The following NFKB1 variants were observed in gnomAD, a reference collection of about 807,000 sequenced individuals.
NFKB1 encodes the protein nuclear factor NF-kappa-B p105 subunit.
A neutral mutation model predicts 105.1 loss-of-function variants in NFKB1; 9 were observed. The ratio of observed to expected loss-of-function variants is 0.09; its 90% CI spans 0.05 to 0.15. The LOEUF (loss-of-function observed/expected upper bound fraction) is 0.15. Ranked by LOEUF, NFKB1 falls within the 10% of genes least tolerant of loss-of-function variation. The pLI is 1.00. For missense variants in NFKB1, 830 were observed against 1,203.7 expected, an observed-to-expected ratio of 0.69 and a Z score of 4.59; for synonymous variants, 440 against 442.2, an observed-to-expected ratio of 1.00 and a Z score of 0.06.
intron 1 of NFKB1, among the ~76,000 whole-genome samples, chr4:102,513,406 A>G (rs1739906110): frequency 6.6e-6 from 1 of 152,236 alleles, no homozygotes; most frequent in Non-Finnish European, 1.5e-5. Context: ...CTTGAGTATG[A>G]TATAAATTAC....
chr4:102,580,545 T>G lies in NFKB1; in HGVS notation c.741T>G (p.Asn247Lys). The change falls in exon 9 of 24, where the codon AAT (asparagine) becomes AAG (lysine). Residue 247 changes from asparagine to lysine, a missense_variant. By Grantham distance (94) the Asn-to-Lys change is moderately conservative. Around this residue, in one of 8 missense-constraint regions of NFKB1, gnomAD observed 80 missense variants for 122.6 expected, o/e 0.65. Transcript: ENST00000226574. ...SDAIYDSKAP[N>K]ASNLKIVRMD... The stretch of plus-strand genomic sequence containing the variant: ...TTCCCCTGTGAACAGAAGCCCCCAA[T>G]GCATCCAACTTGAAAATTGTAAGAA... 6.2e-7 allele frequency: 1 copy of G among 1,613,860 alleles called. No individual in the cohort carries two copies. The highest frequency in any genetic ancestry group is 1.3e-5 in the African/African-American group (1 of 75,042).
intron 16 of NFKB1, among the ~76,000 whole-genome samples, chr4:102,604,503 G>A (rs1444138548): frequency 6.6e-6 from 1 of 151,026 alleles, no homozygotes; most frequent in African/African-American, 2.5e-5. Context: ...ACACACTTGT[G>A]TGTATCTGTA....
chr4:102,616,556 G>C lies in NFKB1; in HGVS notation c.2872G>C (p.Asp958His), dbSNP rs1728960154. 1.7e-5 allele frequency: 27 copies of C among 1,614,070 alleles called. No homozygotes were observed. The East Asian group carries it at 6.0e-4, about 36-fold the overall frequency. ...SLLTLNKMPHDYGQEGPLEGK... is the reference protein window; with the variant it reads ...SLLTLNKMPHHYGQEGPLEGK... ...GCTAACTCTCAACAAAATGCCCCAT[G>C]ATTATGGGCAGGAAGGACCTCTAGA... The change falls in exon 24 of 24, where the codon GAT (aspartate) becomes CAT (histidine). Residue 958 changes from aspartate to histidine, a missense_variant. Transcript: ENST00000226574.
intron 11 of NFKB1, among the ~76,000 whole-genome samples, chr4:102,585,882 G>A (rs751396134): frequency 6.6e-6 from 1 of 152,154 alleles, no homozygotes; most frequent in Non-Finnish European, 1.5e-5. Context: ...GGTAAACACA[G>A]CGTTTATGCA....
At chr4:102,588,001 A>G (rs1193544414) in intron 11 of NFKB1, among the ~76,000 whole-genome samples, 1 of 152,122 alleles carries the variant, frequency 6.6e-6, no homozygotes, top group Non-Finnish European at 1.5e-5. Context: ...GTCATTCCCT[A>G]TCTCATTGCC....
chr4:102,527,884 T>C (rs230534), intron 2 of NFKB1, among the ~76,000 whole-genome samples: 110,734 of 151,996 alleles, frequency 0.73, 41,693 homozygotes, highest in African/African-American at 0.92. Flanking sequence ...AAGAGTAAAA[T>C]CTGCTGAAAA....
chr4:102,612,848 G>A (rs574688761), intron 22 of NFKB1, among the ~76,000 whole-genome samples: 15 of 152,172 alleles, frequency 9.9e-5, no homozygotes, highest in African/African-American at 1.4e-4. Context: ...AAAATGCTAC[G>A]TAGAGGGTCA....
chr4:102,572,518 A>G (rs1021910001), intron 6 of NFKB1, among the ~76,000 whole-genome samples: 1 of 152,190 alleles, frequency 6.6e-6, no homozygotes, highest in Non-Finnish European at 1.5e-5. Flanking sequence ...AAAACAAAAA[A>G]GAAAAAGCAC....
chr4:102,502,254 C>CCA (rs2149089412), intron 1 of NFKB1: 1 of 152,396 alleles, frequency 6.6e-6, no homozygotes, highest in African/African-American at 2.4e-5. Context: ...GTCCTCTTGG[C>CCA]TGGGAAAGCC....
intron 1 of NFKB1, among the ~76,000 whole-genome samples, chr4:102,512,258 T>C (rs908792519): frequency 2.0e-5 from 3 of 152,260 alleles, no homozygotes; most frequent in African/African-American, 2.4e-5. Flanking sequence ...TCACATCTGA[T>C]GTTATCAGAC....
intron 1 of NFKB1, among the ~76,000 whole-genome samples, chr4:102,503,149 A>G (rs1246685980): frequency 1.3e-5 from 2 of 152,138 alleles, no homozygotes; most frequent in East Asian, 3.9e-4. Context: ...ATTTGAAGCA[A>G]TGTACTTTTT....
intron 23 of NFKB1, among the ~76,000 whole-genome samples, chr4:102,616,015 G>A (rs994577273): frequency 6.6e-6 from 1 of 152,208 alleles, no homozygotes; most frequent in Non-Finnish European, 1.5e-5. Context: ...GAGGCCCAGA[G>A]AGAGATCTCA....
chr4:102,585,568 T>G (rs1260141744), intron 11 of NFKB1, among the ~76,000 whole-genome samples: 1 of 152,148 alleles, frequency 6.6e-6, no homozygotes, highest in Non-Finnish European at 1.5e-5. Context: ...TGAAAATGAG[T>G]AAGGCATCAT....
rs148268461 is a variant in NFKB1 at position 102,613,583 on chromosome 4, TA to T, written c.2749+11del. 6.1e-5 allele frequency: 97 copies of T among 1,595,940 alleles called. No individual in the cohort carries two copies. Among genetic ancestry groups the T allele is most frequent in the Middle Eastern group, 3.5e-4 (2 of 5,720 alleles). On this transcript the variant is annotated splice_donor_region_variant and intron_variant, in intron 23 of 23. Transcript: ENST00000226574. Reference sequence around the variant, plus strand: ...CTGCCTCCACAAGGCAGCAAATAGGTAAAAAAAAAGACAAAAGACAGTGGAG... The same window carrying T: ...CTGCCTCCACAAGGCAGCAAATAGGTAAAAAAAAGACAAAAGACAGTGGAG...
At chr4:102,614,685 A>G (rs763696625) in intron 23 of NFKB1, among the ~76,000 whole-genome samples, 5 of 151,908 alleles carry the variant, frequency 3.3e-5, no homozygotes, top group Non-Finnish European at 7.4e-5. Context: ...TTTCACCTTG[A>G]CCACTTGCAG....
intron 1 of NFKB1, among the ~76,000 whole-genome samples, chr4:102,511,628 A>G (rs1739786770): frequency 6.6e-6 from 1 of 152,176 alleles, no homozygotes; most frequent in Non-Finnish European, 1.5e-5. Flanking sequence ...GTGAGCAGCG[A>G]TTGTGCCACT....
At chr4:102,609,382 T>TG (rs1728170170) in intron 19 of NFKB1, among the ~76,000 whole-genome samples, 2 of 151,860 alleles carry the variant, frequency 1.3e-5, no homozygotes, top group African/African-American at 4.8e-5. Context: ...GAGGCCAGGG[T>TG]GGGTGGATCA....
chr4:102,578,495 C>G (rs369142976), intron 7 of NFKB1: 1 of 224,832 alleles, frequency 4.4e-6, no homozygotes, highest in Non-Finnish European at 8.6e-6. Flanking sequence ...CCAAGCAGCT[C>G]TTGGAATAAT....
intron 6 of NFKB1, among the ~76,000 whole-genome samples, chr4:102,567,623 TAGAA>T (rs1179835752): frequency 6.6e-6 from 1 of 152,202 alleles, no homozygotes; most frequent in Admixed American, 6.6e-5. Flanking sequence ...CTCTGCTGCT[TAGAA>T]AGTAATGCAC....
Sources: allele counts gnomAD v4.1 joint callset (sites outside exome capture counted in the v4.1 genomes callset), GRCh38; gene constraint gnomAD v4.1.1; regional missense constraint gnomAD v4.1.1; transcripts MANE v1.5; gene names NCBI Gene and HGNC (gene_info 2026-07-23, HGNC 2026-07-21).